The following SIPA1L1 variants were observed in gnomAD, a reference collection of about 807,000 sequenced individuals.
SIPA1L1 encodes the protein signal induced proliferation associated 1 like 1, also known as signal-induced proliferation-associated 1-like protein 1.
Under a neutral mutation model 162.7 loss-of-function variants are expected in SIPA1L1, and 26 were observed. That is an observed-to-expected ratio of 0.16 (90% CI 0.12 to 0.22). The LOEUF is 0.22. SIPA1L1 is among the 10% of genes least tolerant of loss of function. The probability of loss-of-function intolerance (pLI) is 1.00; values close to 1 mark genes in which losing one functional copy is unlikely to be tolerated. For synonymous variants in SIPA1L1, 829 were observed against 837.4 expected, an observed-to-expected ratio of 0.99 and a Z score of 0.17; for missense variants, 1,874 against 2,241.0, an observed-to-expected ratio of 0.84 and a Z score of 3.31.
intron 2 of SIPA1L1, among the ~76,000 whole-genome samples, chr14:71,439,297 G>A (rs867029739): frequency 6.6e-6 from 1 of 152,064 alleles, no homozygotes; most frequent in African/African-American, 2.4e-5. Context: ...CTTCACTACC[G>A]TCTTCTTCAC....
chr14:71,345,248 G>A (rs1033230729), intron 2 of SIPA1L1, among the ~76,000 whole-genome samples: 2 of 152,110 alleles, frequency 1.3e-5, no homozygotes, highest in Non-Finnish European at 1.5e-5. Context: ...TGTGGGAGAC[G>A]GGTACTATGT....
intron 7 of SIPA1L1, among the ~76,000 whole-genome samples, chr14:71,629,175 G>T (rs1238194290): frequency 6.6e-6 from 1 of 152,052 alleles, no homozygotes; most frequent in Non-Finnish European, 1.5e-5. Context: ...CTGACCTCGT[G>T]GTCCGCCTGC....
chr14:71,576,040 A>G (rs998576564), intron 4 of SIPA1L1, among the ~76,000 whole-genome samples: 12 of 152,252 alleles, frequency 7.9e-5, no homozygotes, highest in Admixed American at 7.2e-4. Context: ...TTTTAGCTGA[A>G]AGCACGTAAC....
chr14:71,711,937 G>A (rs2082902977), intron 17 of SIPA1L1, among the ~76,000 whole-genome samples: 1 of 152,188 alleles, frequency 6.6e-6, no homozygotes, highest in South Asian at 2.1e-4. Flanking sequence ...CTGGTAAGTA[G>A]GGATGTTTTG....
intron 2 of SIPA1L1, among the ~76,000 whole-genome samples, chr14:71,381,214 G>A (rs987349187): frequency 6.6e-6 from 1 of 151,992 alleles, no homozygotes; most frequent in Non-Finnish European, 1.5e-5. Context: ...CACGGTGCCC[G>A]GCTAATTTTT....
At chr14:71,625,779 A>G (rs989118564) in intron 7 of SIPA1L1, among the ~76,000 whole-genome samples, 2 of 152,258 alleles carry the variant, frequency 1.3e-5, no homozygotes, top group Non-Finnish European at 2.9e-5. Context: ...TTAGACATTG[A>G]TAATATAGTC....
intron 2 of SIPA1L1, among the ~76,000 whole-genome samples, chr14:71,442,313 A>C (rs2044958689): frequency 6.6e-6 from 1 of 152,018 alleles, no homozygotes; most frequent in African/African-American, 2.4e-5. Flanking sequence ...ATTATTTAAT[A>C]ATGTATGTCT....
At chr14:71,614,388 A>G (rs1001049121) in intron 5 of SIPA1L1, among the ~76,000 whole-genome samples, 2 of 152,194 alleles carry the variant, frequency 1.3e-5, no homozygotes, top group Non-Finnish European at 2.9e-5. Flanking sequence ...CTTAAGAGAA[A>G]AAAAAGACAG....
intron 2 of SIPA1L1, among the ~76,000 whole-genome samples, chr14:71,481,522 A>G (rs1595694556): frequency 1.3e-5 from 2 of 152,276 alleles, no homozygotes; most frequent in Non-Finnish European, 2.9e-5. Flanking sequence ...CAACAGCAAA[A>G]AAAAAAGTCC....
At chr14:71,384,906 C>T (rs1468847257) in intron 2 of SIPA1L1, among the ~76,000 whole-genome samples, 3 of 152,100 alleles carry the variant, frequency 2.0e-5, no homozygotes, top group Admixed American at 6.5e-5. Context: ...CAGCTTTTTG[C>T]TCTTTATCTG....
chr14:71,456,384 A>G (rs931956165), intron 2 of SIPA1L1, among the ~76,000 whole-genome samples: 3 of 152,224 alleles, frequency 2.0e-5, no homozygotes, highest in African/African-American at 7.2e-5. Context: ...TCTTATATTA[A>G]AAATACAACC....
chr14:71,508,234 TG>T (rs1439896172), intron 2 of SIPA1L1, among the ~76,000 whole-genome samples: 2 of 152,204 alleles, frequency 1.3e-5, no homozygotes, highest in Non-Finnish European at 2.9e-5. Flanking sequence ...AAACACTCCA[TG>T]GGTCAAGGAA....
chr14:71,332,956 A>T (rs116311114), intron 2 of SIPA1L1, among the ~76,000 whole-genome samples: 6,080 of 152,298 alleles, frequency 0.04, 244 homozygotes, highest in African/African-American at 0.1. Flanking sequence ...AAAGAAATTT[A>T]GAGTATTTGT....
chr14:71,373,054 G>C (rs375242315), intron 2 of SIPA1L1, among the ~76,000 whole-genome samples: 3 of 152,330 alleles, frequency 2.0e-5, no homozygotes, highest in African/African-American at 7.2e-5. Flanking sequence ...GCTTATGCCT[G>C]TAATCCCAGC....
intron 4 of SIPA1L1, among the ~76,000 whole-genome samples, chr14:71,565,227 A>G (rs917665680): frequency 6.6e-6 from 1 of 152,052 alleles, no homozygotes; most frequent in African/African-American, 2.4e-5. Context: ...CTGTTGATCA[A>G]TTTTTGTCTG....
Position 71,615,053 on chromosome 14 carries a change from T to G in SIPA1L1, c.1499-3704T>G, listed in dbSNP as rs147052042. Among the ~76,000 whole-genome samples the G allele has an allele frequency of 4.3e-4, 66 of 152,342 alleles. 1 individual carries two copies. In the East Asian group the frequency reaches 0.012, roughly 28 times the overall value. ...TAAAATAAAGTTATTGGTATCAATA[T>G]CCAAAGTAAACACTTTTATTTTCTT... On this transcript the variant is annotated intron_variant, in intron 5 of 23. Coordinates refer to ENST00000381232, the MANE Select transcript of SIPA1L1 (RefSeq NM_001386936.1).
chr14:71,322,704 A>T lies in SIPA1L1; in HGVS notation c.-465+1523A>T, dbSNP rs578134753. Among the ~76,000 whole-genome samples the T allele has an allele frequency of 1.3e-5, 2 of 152,340 alleles. 1 individual carries two copies. The highest frequency in any genetic ancestry group is 4.1e-4 in the South Asian group (2 of 4,832). On this transcript the variant is annotated intron_variant, in intron 2 of 23. Coordinates refer to ENST00000381232, the MANE Select transcript of SIPA1L1 (RefSeq NM_001386936.1). ...AGAGGCAAAATAAGAGATTTGGGGGATGAATGGCTTTATGTCTCTGACAAC... is the reference window on the plus strand; with the variant it reads ...AGAGGCAAAATAAGAGATTTGGGGGTTGAATGGCTTTATGTCTCTGACAAC...
chr14:71,674,549 G>GTTTTTTTTTTT (rs776605036), intron 12 of SIPA1L1, among the ~76,000 whole-genome samples: 2 of 137,394 alleles, frequency 1.5e-5, no homozygotes, highest in African/African-American at 5.5e-5. Flanking sequence ...TAGCATTCCT[G>GTTTTTTTTTTT]TTTTTTTTTT....
At chr14:71,608,140 C>T (rs1445698324) in intron 5 of SIPA1L1, among the ~76,000 whole-genome samples, 1 of 152,200 alleles carries the variant, frequency 6.6e-6, no homozygotes, top group Non-Finnish European at 1.5e-5. Context: ...AGACATCTTC[C>T]TATTTGCATT....
Sources: allele counts gnomAD v4.1 joint callset (sites outside exome capture counted in the v4.1 genomes callset), GRCh38; gene constraint gnomAD v4.1.1; transcripts MANE v1.5; gene names NCBI Gene and HGNC (gene_info 2026-07-23, HGNC 2026-07-21).